Variants in SART3 observed in about 807,000 individuals in gnomAD.
SART3 encodes spliceosome associated factor 3, U4/U6 recycling protein.
SART3 carries 44 observed loss-of-function variants against 122.3 expected under a neutral mutation model. The observed-to-expected ratio is 0.36, with a 90% CI of 0.28 to 0.46. The LOEUF is 0.46. SART3 is among the 20% of genes least tolerant of loss of function. The probability of loss-of-function intolerance (pLI) is 1.00; values close to 1 mark genes in which losing one functional copy is unlikely to be tolerated. For synonymous variants in SART3, 442 were observed against 454.0 expected (o/e 0.97, Z 0.34); for missense variants, 1,101 against 1,229.0 (o/e 0.90, Z 1.56).
intron 18 of SART3, 173 bp from the exon 19 acceptor site, chr12:108,523,807 C>T: frequency 1.5e-6 from 1 of 684,146 alleles, no homozygotes; most frequent in Non-Finnish European, 2.5e-6. Context: ...AAAACTGCTT[C>T]AACAGACTTG....
chr12:108,538,398 C>G (rs1275161253), intron 7 of SART3, among the ~76,000 whole-genome samples, 195 bp from the exon 8 acceptor site: 1 of 152,202 alleles, frequency 6.6e-6, no homozygotes, highest in African/African-American at 2.4e-5. Flanking sequence ...CAGGTTAAAA[C>G]AGCCTTAAAA....
At chr12:108,535,279 G>A in intron 12 of SART3, 80 bp downstream of exon 12, 1 of 1,100,032 alleles carries the variant, frequency 9.1e-7, no homozygotes, top group Non-Finnish European at 1.4e-6. Context: ...GCTAGTCCAA[G>A]CTGGTAGGAG....
chr12:108,550,860 A>G (rs2029976436), intron 1 of SART3, among the ~76,000 whole-genome samples: 1 of 152,240 alleles, frequency 6.6e-6, no homozygotes, highest in Non-Finnish European at 1.5e-5. Context: ...AAAAATAAAT[A>G]AATAAATCAA....
At chr12:108,535,275 C>T in intron 12 of SART3, 84 bp downstream of exon 12, 1 of 1,067,252 alleles carries the variant, frequency 9.4e-7, no homozygotes, top group Admixed American at 1.7e-5. Flanking sequence ...AGGAGCTAGT[C>T]CAAGCTGGTA....
chr12:108,539,077 C>A lies in SART3; in HGVS notation c.919G>T (p.Ala307Ser). ...PYEEALLQAEAPRLAEYQAYI... is the reference protein window; with the variant it reads ...PYEEALLQAESPRLAEYQAYI... ...GCTTGATATTCTGCCAGCCTTGGTG[C>A]CTCTGCCTGCAACTGGAGTACAGGA... Residue 307 changes from alanine to serine, a missense_variant, in exon 7 of 19, where the codon GCA (alanine) becomes TCA (serine). This residue lies in a region of SART3 where 885 missense variants were observed against 1,080.1 expected (regional missense o/e 0.82). Coordinates refer to ENST00000546815, the MANE Select transcript of SART3 (RefSeq NM_014706.4). 1 of 1,614,136 alleles carries A rather than the reference C, an allele frequency of 6.2e-7. No homozygotes were observed. Among genetic ancestry groups the A allele is most frequent in the Non-Finnish European group, 8.5e-7 (1 of 1,180,020 alleles).
At position 108,532,258 on chromosome 12, in the gene SART3, C is replaced by T. The variant is rs1347889110; in HGVS notation, c.1633G>A (p.Val545Ile). 6 of 1,614,076 alleles carry T rather than the reference C, an allele frequency of 3.7e-6. No homozygotes were observed. The highest frequency in any genetic ancestry group is 1.3e-5 in the African/African-American group (1 of 74,950). Residue 545 changes from valine (V) to isoleucine (I), a missense_variant, in exon 13 of 19, where the codon GTC becomes ATC. By Grantham distance (29) the Val-to-Ile change is conservative (BLOSUM62 3). Around this residue, in one of 2 missense-constraint regions of SART3, gnomAD observed 885 missense variants for 1,080.1 expected, o/e 0.82. Transcript: ENST00000546815. ...VQCTSDYPEH[V>I]CEVLLTMERT... Reference sequence around the variant, plus strand: ...TCCATGGTGAGTAACACTTCGCAGACGTGCTCTGGGTAGTCACTGGTGCAC... The same window carrying T: ...TCCATGGTGAGTAACACTTCGCAGATGTGCTCTGGGTAGTCACTGGTGCAC...
At chr12:108,543,237 C>A (rs544430155) in intron 5 of SART3, 85 bp from the exon 6 acceptor site, 17 of 1,502,614 alleles carry the variant, frequency 1.1e-5, no homozygotes, top group Non-Finnish European at 1.3e-5. Context: ...GACTCAGGTG[C>A]CACTAGCCCC....
chr12:108,556,760 G>A (rs940451096), intron 1 of SART3, among the ~76,000 whole-genome samples: 1 of 152,238 alleles, frequency 6.6e-6, no homozygotes, highest in Non-Finnish European at 1.5e-5. Flanking sequence ...AGTTTGGGAT[G>A]TTTGAGAAGT....
chr12:108,560,744 C>T (rs766947945), intron 1 of SART3, 99 bp downstream of exon 1: 4 of 1,116,730 alleles, frequency 3.6e-6, no homozygotes, highest in Non-Finnish European at 5.0e-6. Flanking sequence ...GCAGCCTTGG[C>T]GGCTTTATCG....
chr12:108,555,256 T>A (rs542143640), intron 1 of SART3, among the ~76,000 whole-genome samples: 1 of 152,330 alleles, frequency 6.6e-6, no homozygotes, highest in East Asian at 1.9e-4. Flanking sequence ...AGCTTTAAAA[T>A]GTAATTTTAA....
chr12:108,533,154 A>G (rs1361805063), intron 12 of SART3, among the ~76,000 whole-genome samples: 2 of 152,136 alleles, frequency 1.3e-5, no homozygotes, highest in African/African-American at 2.4e-5. Flanking sequence ...AGATCCACGT[A>G]CCCCTGAGGA....
At chr12:108,558,718 A>G (rs1378537145) in intron 1 of SART3, among the ~76,000 whole-genome samples, 5 of 152,200 alleles carry the variant, frequency 3.3e-5, no homozygotes, top group Non-Finnish European at 7.3e-5. Flanking sequence ...GTAAGACTAA[A>G]TTAGCTTCAG....
chr12:108,544,981 A>G (rs957886355), intron 4 of SART3, 158 bp downstream of exon 4: 3 of 801,968 alleles, frequency 3.7e-6, no homozygotes, highest in Non-Finnish European at 4.4e-6. Flanking sequence ...GTATAAAAAA[A>G]GGTTATCTAT....
At chr12:108,526,965 A>C (rs1466653704) in intron 15 of SART3, among the ~76,000 whole-genome samples, 4 of 152,194 alleles carry the variant, frequency 2.6e-5, no homozygotes. Context: ...CCCAGGGAGC[A>C]CATTTTGGAA....
At position 108,530,128 on chromosome 12, in the gene SART3, CAAG is replaced by C. The variant is rs1451067037; in HGVS notation, c.1915+11_1915+13del. ...TAAGACGTTTCAAAACACAATTTCTCAAGAGCTCCTTACCTTCTTCATCATCGC... is the reference window on the plus strand; with the variant it reads ...TAAGACGTTTCAAAACACAATTTCTCAGCTCCTTACCTTCTTCATCATCGC... On this transcript the variant is annotated intron_variant, in intron 15 of 18. Transcript: ENST00000546815. The C allele has an allele frequency of 6.2e-7, 1 of 1,613,942 alleles. No individual in the cohort carries two copies. Among genetic ancestry groups the C allele is most frequent in the Non-Finnish European group, 8.5e-7 (1 of 1,180,026 alleles).
At chr12:108,539,158 A>AATTT in intron 6 of SART3, 69 bp from the exon 7 acceptor site, 1 of 1,567,254 alleles carries the variant, frequency 6.4e-7, no homozygotes, top group East Asian at 2.3e-5. Context: ...CAAATAAAAT[A>AATTT]AATTTTGGCA....
Position 108,561,077 on chromosome 12 carries a change from C to G in SART3, c.78G>C (p.Glu26Asp), listed in dbSNP as rs139923569. 132 of 1,614,064 alleles carry G rather than the reference C, an allele frequency of 8.2e-5. No homozygotes were observed. Among genetic ancestry groups the G allele is most frequent in the Non-Finnish European group, 9.7e-5 (114 of 1,180,040 alleles). ...SKAGPKADGE[E>D]DEVKAARTRR... ...TTGTCCTAGCCGCCTTAACCTCATC[C>G]TCCTCTCCGTCAGCCTTGGGCCCAG... Residue 26 changes from glutamate (E) to aspartate (D), a missense_variant, in exon 1 of 19, where the codon GAG (glutamate) becomes GAC (aspartate). Physicochemically the swap from Glu to Asp is conservative, Grantham distance 45. This residue lies in a region of SART3 where 216 missense variants were observed against 148.9 expected (regional missense o/e 1.45). Transcript: ENST00000546815.
At chr12:108,560,803 G>T in intron 1 of SART3, 40 bp downstream of exon 1, 1 of 1,550,702 alleles carries the variant, frequency 6.4e-7, no homozygotes, top group Non-Finnish European at 8.8e-7. Flanking sequence ...CCGAGGACCT[G>T]AAAGACTGGA....
Position 108,526,370 on chromosome 12 carries a change from C to A in SART3, c.2099G>T (p.Ser700Ile). ...GACAAAGACGGTGATGCTGTCCTTGCTGCTGTCGTGCAGCACCTTGGGCAT... is the reference window on the plus strand; with the variant it reads ...GACAAAGACGGTGATGCTGTCCTTGATGCTGTCGTGCAGCACCTTGGGCAT... ...RDMPKVLHDS[S>I]KDSITVFVSN... The change falls in exon 16 of 19, where the codon AGC becomes ATC. Residue 700 changes from serine to isoleucine, a missense_variant. Physicochemically the swap from Ser to Ile is moderately radical, Grantham distance 142. Coordinates refer to ENST00000546815, the MANE Select transcript of SART3 (RefSeq NM_014706.4). 6.2e-7 allele frequency: 1 copy of A among 1,613,908 alleles called. No homozygotes were observed. Among genetic ancestry groups the A allele is most frequent in the Non-Finnish European group, 8.5e-7 (1 of 1,179,782 alleles).
Sources: allele counts gnomAD v4.1 joint callset (sites outside exome capture counted in the v4.1 genomes callset), GRCh38; gene constraint gnomAD v4.1.1; regional missense constraint gnomAD v4.1.1; transcripts MANE v1.5; gene names NCBI Gene and HGNC (gene_info 2026-07-23, HGNC 2026-07-21).